RIMBP2: variants seen among roughly 807,000 people sequenced by gnomAD.
The protein encoded by RIMBP2 is RIMS-binding protein 2.
A neutral mutation model predicts 118.6 loss-of-function variants in RIMBP2; 48 were observed. The ratio of observed to expected loss-of-function variants is 0.40; its 90% CI spans 0.32 to 0.51. The LOEUF (loss-of-function observed/expected upper bound fraction) is 0.51. RIMBP2 is among the 20% of genes least tolerant of loss of function. RIMBP2 has a pLI of 0.41. For missense variants in RIMBP2, 1,551 were observed against 1,768.3 expected (o/e 0.88, Z 2.20); for synonymous variants, 762 against 742.9 (o/e 1.03, Z -0.42).
chr12:130,433,718 G>A (rs947761308), intron 14 of RIMBP2, among the ~76,000 whole-genome samples: 4 of 151,998 alleles, frequency 2.6e-5, no homozygotes, highest in African/African-American at 9.7e-5. Flanking sequence ...TCCTTCTTGG[G>A]GTGTTCTCAT....
rs1566004674 is a variant in RIMBP2 at position 130,421,724 on chromosome 12, T to TG, written c.3238+728_3238+729insC. ...GTGTGTGTGTGTGTGTGTGTGTGTG[T>TG]TTTCATAGAAGCCTGGTTCCTCTGT... is the stretch of plus-strand genomic sequence containing the variant. On this transcript the variant is annotated intron_variant, in intron 17 of 22. Coordinates refer to ENST00000690449, the MANE Select transcript of RIMBP2 (RefSeq NM_001393629.1). 2.6e-4 allele frequency among the ~76,000 whole-genome samples: 39 copies of TG among 151,484 alleles called. No individual in the cohort carries two copies. The East Asian group carries it at 6.0e-3, about 23-fold the overall frequency.
chr12:130,658,942 T>A (rs2063540204), intron 1 of RIMBP2: 1 of 151,490 alleles, frequency 6.6e-6, no homozygotes, highest in Non-Finnish European at 1.5e-5. Flanking sequence ...CAATCTCCCT[T>A]CCTCCACCAT....
intron 9 of RIMBP2, among the ~76,000 whole-genome samples, chr12:130,449,264 GC>G (rs1441009728): frequency 6.6e-6 from 1 of 152,230 alleles, no homozygotes; most frequent in Non-Finnish European, 1.5e-5. Context: ...CCAAGTGTCC[GC>G]CCATGGGCAG....
At chr12:130,577,374 T>C (rs2058155930) in intron 2 of RIMBP2, among the ~76,000 whole-genome samples, 1 of 152,160 alleles carries the variant, frequency 6.6e-6, no homozygotes, top group South Asian at 2.1e-4. Context: ...TGAGACTGGG[T>C]AATTTTTAAA....
intron 1 of RIMBP2, among the ~76,000 whole-genome samples, chr12:130,712,900 G>A (rs966455148): frequency 5.3e-5 from 8 of 152,016 alleles, no homozygotes; most frequent in African/African-American, 1.5e-4. Flanking sequence ...ACCGCAGTAC[G>A]CATGGTCTTC....
rs148595099 is a variant in RIMBP2 at position 130,428,211 on chromosome 12, G to A, written c.2380C>T (p.Arg794Trp). The A allele has an allele frequency of 2.1e-5, 34 of 1,612,344 alleles. No homozygotes were observed. The highest frequency in any genetic ancestry group is 1.7e-4 in the African/African-American group (13 of 74,862). The change falls in exon 15 of 23, where the codon CGG becomes TGG. Residue 794 changes from arginine to tryptophan, a missense_variant. By Grantham distance (101) the Arg-to-Trp change is moderately radical. This residue lies in a region of RIMBP2 where 1,038 missense variants were observed against 1,125.1 expected (regional missense o/e 0.92). Transcript: ENST00000690449. Reference protein sequence around the residue: ...EMQLEDGGRRRPSGTSHNALK... With the variant: ...EMQLEDGGRRWPSGTSHNALK... ...GCATTGTGGGACGTGCCGCTGGGCC[G>A]CCTCCTTCCCCCATCTTCCAGCTGC...
chr12:130,425,247 AG>A (rs1210296393), intron 15 of RIMBP2: 1 of 171,078 alleles, frequency 5.8e-6, no homozygotes, highest in East Asian at 1.6e-4. Flanking sequence ...CTACATCCTC[AG>A]AAACCCTGAG....
chr12:130,642,856 T>G (rs976902441), intron 1 of RIMBP2, among the ~76,000 whole-genome samples: 1 of 152,228 alleles, frequency 6.6e-6, no homozygotes, highest in Non-Finnish European at 1.5e-5. Context: ...AGGCTGGCTC[T>G]GAACGGGTCA....
In RIMBP2 at chr12:130,407,875, C is replaced by G. The variant is rs756857480; in HGVS notation, c.3590-46G>C. The G allele has an allele frequency of 9.0e-6, 14 of 1,558,576 alleles. No homozygotes were observed. In the South Asian group the frequency reaches 1.6e-4, roughly 17 times the overall value. ...AAAGAAATCCATCATGAGGTTATTT[C>G]AAACTTAGCGGTGTTCCCCTCCTTC... On this transcript the variant is annotated intron_variant, in intron 19 of 22. Coordinates refer to ENST00000690449, the MANE Select transcript of RIMBP2 (RefSeq NM_001393629.1).
intron 1 of RIMBP2, among the ~76,000 whole-genome samples, chr12:130,700,330 C>T (rs574467962): frequency 3.3e-5 from 5 of 152,282 alleles, no homozygotes; most frequent in African/African-American, 7.2e-5. Context: ...AGCCACACCC[C>T]GCAAGGGTCT....
intron 2 of RIMBP2, among the ~76,000 whole-genome samples, chr12:130,608,687 T>C (rs1325557103): frequency 6.6e-6 from 1 of 152,224 alleles, no homozygotes; most frequent in Non-Finnish European, 1.5e-5. Flanking sequence ...TCTGATTTTG[T>C]ATGAGTTTAT....
rs943525153 is a variant in RIMBP2, at chr12:130,447,657, G to A, written c.582-2388C>T. 2.0e-5 allele frequency among the ~76,000 whole-genome samples: 3 copies of A among 152,172 alleles called. No individual in the cohort carries two copies. On this transcript the variant is annotated intron_variant, in intron 9 of 22. Transcript: ENST00000690449. The surrounding 1 kb of genome is among the most constrained non-coding windows in gnomAD (Gnocchi z 4.4). ...GCCCTGGGCGGCACACTGCAAGTGGGTGAACTGTGCAGTGAGGACCATCTC... is the reference window on the plus strand; with the variant it reads ...GCCCTGGGCGGCACACTGCAAGTGGATGAACTGTGCAGTGAGGACCATCTC...
At chr12:130,438,705 G>T (rs1202912198) in intron 11 of RIMBP2, among the ~76,000 whole-genome samples, 189 bp from the exon 12 acceptor site, 1 of 152,186 alleles carries the variant, frequency 6.6e-6, no homozygotes, top group African/African-American at 2.4e-5. Context: ...GGTACAGTCA[G>T]GTACCAGGAT....
At chr12:130,514,030 C>T (rs2051183970) in intron 3 of RIMBP2, among the ~76,000 whole-genome samples, 1 of 152,216 alleles carries the variant, frequency 6.6e-6, no homozygotes, top group Non-Finnish European at 1.5e-5. Context: ...TCCCCAGCTA[C>T]CACAAAGATG....
intron 5 of RIMBP2, among the ~76,000 whole-genome samples, chr12:130,471,102 C>T (rs1366640088): frequency 1.3e-5 from 2 of 152,206 alleles, no homozygotes; most frequent in Non-Finnish European, 2.9e-5. Flanking sequence ...ACTTGACTCC[C>T]AGTCAGCTCT....
At chr12:130,490,312 A>C (rs1374265833) in intron 4 of RIMBP2, among the ~76,000 whole-genome samples, 1 of 152,152 alleles carries the variant, frequency 6.6e-6, no homozygotes, top group African/African-American at 2.4e-5. Flanking sequence ...AAAGCAGAAA[A>C]TAAATCTGTC....
chr12:130,421,426 T>C (rs951127923), intron 17 of RIMBP2, among the ~76,000 whole-genome samples: 9 of 152,256 alleles, frequency 5.9e-5, no homozygotes, highest in African/African-American at 2.2e-4. Context: ...AATTTTTTTC[T>C]TATTGTTTGA....
At chr12:130,590,142 C>T (rs752216642) in intron 2 of RIMBP2, among the ~76,000 whole-genome samples, 4 of 152,182 alleles carry the variant, frequency 2.6e-5, no homozygotes, top group South Asian at 2.1e-4. Context: ...CCCACACCCA[C>T]GGGGAAAGGC....
chr12:130,541,228 C>A (rs577792332), intron 2 of RIMBP2, among the ~76,000 whole-genome samples: 102 of 152,344 alleles, frequency 6.7e-4, no homozygotes, highest in African/African-American at 2.4e-3. Context: ...TCTTCCCTCA[C>A]TTCCCCTGCC....
Sources: gnomAD v4.1 joint callset for allele counts (sites outside exome capture counted in the v4.1 genomes callset) on GRCh38, gnomAD v4.1.1 for gene constraint, gnomAD v4.1.1 regional missense constraint, Gnocchi (gnomAD v3.1) non-coding constraint, MANE v1.5 for transcripts, NCBI Gene and HGNC (gene_info 2026-07-23, HGNC 2026-07-21) for gene names.